ZNF544: variants seen among roughly 807,000 people sequenced by gnomAD.
The protein encoded by ZNF544 is zinc finger protein AF020591.
In ZNF544, 10 loss-of-function variants were observed where a neutral mutation model predicts 13.5. The observed-to-expected ratio is 0.74, with a 90% CI of 0.46 to 1.25. The LOEUF (loss-of-function observed/expected upper bound fraction) is 1.25. ZNF544 is among the 50% of genes most tolerant of loss of function. ZNF544 has a pLI of 0.00. For missense variants in ZNF544, 896 were observed against 845.6 expected (o/e 1.06, Z -0.74); for synonymous variants, 323 against 300.5 (o/e 1.07, Z -0.77).
chr19:58,263,390 G>A lies in ZNF544; in HGVS notation c.*636G>A, dbSNP rs889192552. ...GTGGGAGGATCACTTGAGCTTGGGA[G>A]GCGGTGGTTGCAGTGAGCTGTGATC... On this transcript the variant is annotated 3_prime_UTR_variant, in exon 7 of 7. Transcript: ENST00000687789. 2.4e-5 allele frequency: 23 copies of A among 975,208 alleles called. No individual in the cohort carries two copies. The highest frequency in any genetic ancestry group is 2.6e-5 in the Non-Finnish European group (21 of 820,890). The allele number at this position is 975,208 out of a possible 1,614,324, so 60.4% of individuals were successfully genotyped here.
Position 58,239,813 on chromosome 19 carries a change from C to T in ZNF544, c.-59-4152C>T, listed in dbSNP as rs751707042. 2.6e-5 allele frequency among the ~76,000 whole-genome samples: 4 copies of T among 151,764 alleles called. No homozygotes were observed. The East Asian group carries it at 5.8e-4, about 22-fold the overall frequency. On this transcript the variant is annotated intron_variant, in intron 3 of 6. Transcript: ENST00000687789. ...ACTTGGGAGGCTGAGACAGGAGAAT[C>T]GCTTGAACCCAGGAGACTGAGGTTG...
chr19:58,258,986 T>C (rs2048304484), intron 6 of ZNF544: 1 of 152,146 alleles, frequency 6.6e-6, no homozygotes, highest in African/African-American at 2.4e-5. Context: ...ATAACAAGGA[T>C]GGCAAGATCA....
chr19:58,255,251 C>G (rs570035559), intron 6 of ZNF544, among the ~76,000 whole-genome samples: 33 of 152,004 alleles, frequency 2.2e-4, no homozygotes, highest in East Asian at 7.7e-4. Flanking sequence ...TCTCGGGTCA[C>G]TGCAACCTCC....
intron 3 of ZNF544, among the ~76,000 whole-genome samples, chr19:58,243,563 T>C (rs2044384516): frequency 6.6e-6 from 1 of 151,958 alleles, no homozygotes; most frequent in African/African-American, 2.4e-5. Context: ...GGAAGTTCCC[T>C]GCGCCGCCCT....
intron 6 of ZNF544, chr19:58,259,542 G>C (rs901669818): frequency 3.9e-5 from 6 of 152,202 alleles, no homozygotes; most frequent in Non-Finnish European, 7.4e-5. Flanking sequence ...TGTTGATATG[G>C]TTGTGCTCCC....
intron 3 of ZNF544, among the ~76,000 whole-genome samples, chr19:58,234,809 CCATT>C (rs148948598): frequency 2.6e-3 from 390 of 152,308 alleles, no homozygotes; most frequent in South Asian, 9.9e-3. Flanking sequence ...AAACTACAGT[CCATT>C]CATCAAATTC....
downstream of ZNF544, chr19:58,264,224 T>G (rs966328874): frequency 6.7e-6 from 1 of 149,596 alleles, no homozygotes. Context: ...AGAAACCCCG[T>G]CTCGACGAAA....
At chr19:58,260,794 C>T (rs2048755384) in intron 6 of ZNF544, 57 bp from the exon 7 acceptor site, 2 of 1,464,680 alleles carry the variant, frequency 1.4e-6, no homozygotes, top group East Asian at 2.3e-5. Flanking sequence ...TCATCTCCCC[C>T]TCCCCCTCCC....
intron 6 of ZNF544, among the ~76,000 whole-genome samples, chr19:58,256,942 A>C (rs932074943): frequency 6.6e-6 from 1 of 152,170 alleles, no homozygotes; most frequent in Non-Finnish European, 1.5e-5. Context: ...AAGCTTAGGC[A>C]TTTCAGTCTC....
chr19:58,244,096 T>C (rs748873192), intron 4 of ZNF544, 40 bp downstream of exon 4: 16 of 1,576,346 alleles, frequency 1.0e-5, no homozygotes, highest in African/African-American at 1.4e-5. Flanking sequence ...TTGGTCTCCA[T>C]AGATGTAAAA....
intron 3 of ZNF544, among the ~76,000 whole-genome samples, chr19:58,233,586 A>C (rs1192739034): frequency 2.0e-5 from 3 of 152,210 alleles, no homozygotes; most frequent in African/African-American, 7.2e-5. Context: ...TTATCTACAC[A>C]CTTCTGTCTG....
At position 58,262,587 on chromosome 19, in the gene ZNF544, G is replaced by C. The variant is rs1234307277; in HGVS notation, c.1981G>C (p.Glu661Gln). The change falls in exon 7 of 7, where the codon GAG (glutamate) becomes CAG (glutamine). Residue 661 changes from glutamate (E) to glutamine (Q), a missense_variant. Physicochemically the swap from Glu to Gln is conservative, Grantham distance 29. Coordinates refer to ENST00000687789, the MANE Select transcript of ZNF544 (RefSeq NM_014480.4). Reference sequence around the variant, plus strand: ...AACTCACACTGGTGAGAAACCTTTTGAGTGTAGTCAGTGTGGGAAAGCCTT... The same window carrying C: ...AACTCACACTGGTGAGAAACCTTTTCAGTGTAGTCAGTGTGGGAAAGCCTT... ...QRTHTGEKPF[E>Q]CSQCGKAFSG... The C allele has an allele frequency of 6.2e-7, 1 of 1,614,190 alleles. No individual in the cohort carries two copies. Among genetic ancestry groups the C allele is most frequent in the South Asian group, 1.1e-5 (1 of 91,086 alleles).
intron 4 of ZNF544, among the ~76,000 whole-genome samples, chr19:58,245,490 CGG>C (rs1373329954): frequency 6.7e-6 from 1 of 148,742 alleles, no homozygotes; most frequent in Non-Finnish European, 1.5e-5. Flanking sequence ...TTAGTAGAGA[CGG>C]GGTTTCACCA....
chr19:58,230,598 G>A (rs1374745990), intron 3 of ZNF544, 136 bp downstream of exon 3: 5 of 152,670 alleles, frequency 3.3e-5, no homozygotes, highest in African/African-American at 1.2e-4. Flanking sequence ...CCCAGGGAAG[G>A]CCAGGAGCAT....
chr19:58,262,783 T>C lies in ZNF544; in HGVS notation c.*29T>C. 3 of 1,563,000 alleles carry C rather than the reference T, an allele frequency of 1.9e-6. No individual in the cohort carries two copies. The highest frequency in any genetic ancestry group is 2.6e-6 in the Non-Finnish European group (3 of 1,153,340). On this transcript the variant is annotated 3_prime_UTR_variant, in exon 7 of 7. Coordinates refer to ENST00000687789, the MANE Select transcript of ZNF544 (RefSeq NM_014480.4). ...TGCAGTCATTGTGGGAAAGCTTTCA[T>C]CCAGAGGTCTCCCCTCATCATGCAC...
intron 6 of ZNF544, among the ~76,000 whole-genome samples, chr19:58,255,334 G>A (rs535441087): frequency 2.7e-4 from 41 of 152,084 alleles, no homozygotes; most frequent in Non-Finnish European, 4.9e-4. Flanking sequence ...GTGCCACCAT[G>A]CCCAGCCAAT....
Position 58,261,342 on chromosome 19 carries a change from G to T in ZNF544, c.736G>T (p.Val246Phe), listed in dbSNP as rs1367564474. Reference protein sequence around the residue: ...TGKKNPYEYIVSGDSLNYGSS... With the variant: ...TGKKNPYEYIFSGDSLNYGSS... ...AAAGAAAAACCCTTATGAATATATTGTCAGTGGTGACTCTCTCAACTATGG... is the reference window on the plus strand; with the variant it reads ...AAAGAAAAACCCTTATGAATATATTTTCAGTGGTGACTCTCTCAACTATGG... Residue 246 changes from valine (V) to phenylalanine (F), a missense_variant, in exon 7 of 7, where the codon GTC (valine) becomes TTC (phenylalanine). Transcript: ENST00000687789. 5.0e-6 allele frequency: 8 copies of T among 1,614,034 alleles called. No homozygotes were observed. Among genetic ancestry groups the T allele is most frequent in the Non-Finnish European group, 6.8e-6 (8 of 1,180,048 alleles).
At chr19:58,232,946 CAAA>C (rs71190012) in intron 3 of ZNF544, among the ~76,000 whole-genome samples, 4 of 46,078 alleles carry the variant, frequency 8.7e-5, no homozygotes, top group African/African-American at 1.5e-4. Context: ...GACTCCATCT[CAAA>C]AAAAAAAAAA....
chr19:58,266,326 T>C (rs533491697), downstream of ZNF544, among the ~76,000 whole-genome samples: 2 of 146,708 alleles, frequency 1.4e-5, no homozygotes, highest in Admixed American at 6.8e-5. Context: ...CCATCCTGGC[T>C]AACACAGTGA....
Sources: gnomAD v4.1 joint callset for allele counts (sites outside exome capture counted in the v4.1 genomes callset) on GRCh38, gnomAD v4.1.1 for gene constraint, MANE v1.5 for transcripts, NCBI Gene and HGNC (gene_info 2026-07-23, HGNC 2026-07-21) for gene names.